PI15: variants seen among roughly 807,000 people sequenced by gnomAD.
The protein encoded by PI15 is 25 kDa trypsin inhibitor.
PI15 carries 18 observed loss-of-function variants against 31.0 expected under a neutral mutation model. That is an observed-to-expected ratio of 0.58 (90% CI 0.40 to 0.86). The LOEUF (loss-of-function observed/expected upper bound fraction) is 0.86. PI15 is among the 40% of genes least tolerant of loss of function. The pLI is 0.00. For missense variants in PI15, 282 were observed against 328.1 expected, an observed-to-expected ratio of 0.86 and a Z score of 1.09; for synonymous variants, 118 against 119.1, an observed-to-expected ratio of 0.99 and a Z score of 0.06.
At position 74,845,394 on chromosome 8, in the gene PI15, A is replaced by G. The variant is rs1156922084; in HGVS notation, c.538A>G (p.Thr180Ala). ...CTHYTQMVWA[T>A]SNRIGCAIHT... The stretch of plus-strand genomic sequence containing the variant: ...TTTATTTTCACAGATGGTTTGGGCC[A>G]CTTCCAATCGGATAGGATGCGCAAT... Residue 180 changes from threonine (T) to alanine (A), a missense_variant, in exon 5 of 6, where the codon ACT becomes GCT. Coordinates refer to ENST00000260113, the MANE Select transcript of PI15 (RefSeq NM_015886.5). 1 of 1,613,612 alleles carries G rather than the reference A, an allele frequency of 6.2e-7. No individual in the cohort carries two copies. The highest frequency in any genetic ancestry group is 8.5e-7 in the Non-Finnish European group (1 of 1,179,620).
chr8:74,845,365 T>C lies in PI15; in HGVS notation c.526-17T>C, dbSNP rs774289201. On this transcript the variant is annotated splice_polypyrimidine_tract_variant and intron_variant, in intron 4 of 5. Transcript: ENST00000260113. Reference sequence around the variant, plus strand: ...TAGCTCTGACTTCTGTAACAGTTTATTGGTTTATTTTCACAGATGGTTTGG... The same window carrying C: ...TAGCTCTGACTTCTGTAACAGTTTACTGGTTTATTTTCACAGATGGTTTGG... 4.4e-6 allele frequency: 7 copies of C among 1,599,286 alleles called. No homozygotes were observed. The highest frequency in any genetic ancestry group is 3.3e-5 in the Admixed American group (2 of 59,996).
intron 2 of PI15, among the ~76,000 whole-genome samples, chr8:74,825,724 G>T (rs543132330): frequency 1.4e-4 from 22 of 152,088 alleles, no homozygotes; most frequent in African/African-American, 4.8e-4. Context: ...GGTCCAGAGA[G>T]ACAGAGACAG....
intron 2 of PI15, among the ~76,000 whole-genome samples, chr8:74,827,351 A>C (rs948911121): frequency 6.6e-6 from 1 of 152,172 alleles, no homozygotes; most frequent in East Asian, 1.9e-4. Flanking sequence ...AGGTAAACAC[A>C]GTATAAGTAG....
chr8:74,845,809 A>G, intron 5 of PI15: 1 of 224,722 alleles, frequency 4.4e-6, no homozygotes, highest in Non-Finnish European at 8.8e-6. Context: ...TTTAATAGCT[A>G]TATAAAATAA....
intron 2 of PI15, among the ~76,000 whole-genome samples, chr8:74,830,083 G>C (rs1810759677): frequency 6.6e-6 from 1 of 152,030 alleles, no homozygotes; most frequent in African/African-American, 2.4e-5. Context: ...CCAGAGAGGT[G>C]GTAACTCCCG....
chr8:74,834,864 A>G, intron 2 of PI15, among the ~76,000 whole-genome samples: 1 of 50,770 alleles, frequency 2.0e-5, no homozygotes, highest in African/African-American at 1.2e-4. Flanking sequence ...CAGTGGGCAC[A>G]TTCTCCTGAT....
At chr8:74,836,337 G>A (rs927462765) in intron 2 of PI15, among the ~76,000 whole-genome samples, 1 of 152,122 alleles carries the variant, frequency 6.6e-6, no homozygotes, top group African/African-American at 2.4e-5. Flanking sequence ...ACGGATACCA[G>A]GAAGACTGAA....
chr8:74,827,354 A>G (rs1285178250), intron 2 of PI15, among the ~76,000 whole-genome samples: 1 of 152,168 alleles, frequency 6.6e-6, no homozygotes, highest in Non-Finnish European at 1.5e-5. Context: ...TAAACACAGT[A>G]TAAGTAGGTT....
intron 5 of PI15, among the ~76,000 whole-genome samples, chr8:74,846,495 C>A (rs1231931027): frequency 6.6e-6 from 1 of 152,042 alleles, no homozygotes; most frequent in Non-Finnish European, 1.5e-5. Context: ...ATAAATAGAC[C>A]AATTAGTACC....
At chr8:74,848,385 TCTC>T (rs1811054406) in intron 5 of PI15, among the ~76,000 whole-genome samples, 1 of 152,116 alleles carries the variant, frequency 6.6e-6, no homozygotes, top group African/African-American at 2.4e-5. Flanking sequence ...CAGAAGCAAA[TCTC>T]CTTTTATTTA....
chr8:74,827,943 G>A (rs1047443279), intron 2 of PI15, among the ~76,000 whole-genome samples: 1 of 152,056 alleles, frequency 6.6e-6, no homozygotes, highest in Non-Finnish European at 1.5e-5. Context: ...GTAAAATAGG[G>A]CTTGTTTCAA....
rs1399291637 is a variant in PI15 at position 74,825,155 on chromosome 8, AC to A, written c.-40-52del. 6.2e-6 allele frequency: 6 copies of A among 968,574 alleles called. No homozygotes were observed. The African/African-American group carries it at 8.2e-5, about 13-fold the overall frequency. The allele number at this position is 968,574 out of a possible 1,614,324, so 60.0% of individuals were successfully genotyped here. ...CCAAATGATGTCTTTGTAAATTCAT[AC>A]CCTCTGGCCCTATTTTTTTTCATAG... is the stretch of plus-strand genomic sequence containing the variant. On this transcript the variant is annotated intron_variant, in intron 1 of 5. Transcript: ENST00000260113.
Position 74,851,122 on chromosome 8 carries a change from T to A in PI15, c.*1869T>A, listed in dbSNP as rs937631184. On this transcript the variant is annotated 3_prime_UTR_variant, in exon 6 of 6. Coordinates refer to ENST00000260113, the MANE Select transcript of PI15 (RefSeq NM_015886.5). ...AATATGGTGACCAAATGCTTTGATATCATACTACTCTGCCTTTGTGGGCAC... is the reference window on the plus strand; with the variant it reads ...AATATGGTGACCAAATGCTTTGATAACATACTACTCTGCCTTTGTGGGCAC... The A allele has an allele frequency of 1.3e-5, 2 of 152,600 alleles. No individual in the cohort carries two copies. The highest frequency in any genetic ancestry group is 4.8e-5 in the African/African-American group (2 of 41,446). The allele number at this position is 152,600 out of a possible 1,614,324, so 9.5% of individuals were successfully genotyped here.
In PI15 at chr8:74,833,572, G is replaced by A. The variant is rs1389579624; in HGVS notation, c.273+8050G>A. Among the ~76,000 whole-genome samples, 4 of 151,962 alleles carry A rather than the reference G, an allele frequency of 2.6e-5. No individual in the cohort carries two copies. In the East Asian group the frequency reaches 5.8e-4, roughly 22 times the overall value. ...TGCACCTCACTGCTTTTCATTTTAG[G>A]TGACTGATTCTACCACCATTCCCAA... On this transcript the variant is annotated intron_variant, in intron 2 of 5. Transcript: ENST00000260113.
chr8:74,830,328 A>T (rs1192649438), intron 2 of PI15, among the ~76,000 whole-genome samples: 2 of 152,162 alleles, frequency 1.3e-5, no homozygotes, highest in Admixed American at 6.6e-5. Flanking sequence ...AAGCCAAAAT[A>T]ACTATATTGA....
chr8:74,844,876 C>T, intron 3 of PI15: 1 of 416,818 alleles, frequency 2.4e-6, no homozygotes, highest in Non-Finnish European at 4.3e-6. Context: ...TTTGCATTTT[C>T]TTCGTGGAAT....
chr8:74,825,504 A>T lies in PI15; in HGVS notation c.255A>T (p.Ala85=). The T allele has an allele frequency of 6.2e-7, 1 of 1,612,282 alleles. No homozygotes were observed. Among genetic ancestry groups the T allele is most frequent in the Non-Finnish European group, 8.5e-7 (1 of 1,178,958 alleles). Reference sequence around the variant, plus strand: ...TTCGGGGCAAAGTGTTCCCACCGGCAGCAAATATGGAATATATGGTAAGAA... The same window carrying T: ...TTCGGGGCAAAGTGTTCCCACCGGCTGCAAATATGGAATATATGGTAAGAA... ...NQVRGKVFPP[A]ANMEYMVWDE... is the part of the protein sequence containing the mutation. Residue 85 remains alanine (A), a synonymous_variant, in exon 2 of 6, where the codon GCA becomes GCT. Coordinates refer to ENST00000260113, the MANE Select transcript of PI15 (RefSeq NM_015886.5).
At chr8:74,832,749 CTA>C (rs1365338334) in intron 2 of PI15, among the ~76,000 whole-genome samples, 1 of 149,410 alleles carries the variant, frequency 6.7e-6, no homozygotes, top group African/African-American at 2.5e-5. Context: ...TTCTTCCAGT[CTA>C]TGTTATCCAT....
At chr8:74,825,594 C>A in intron 2 of PI15, 72 bp downstream of exon 2, 1 of 1,237,822 alleles carries the variant, frequency 8.1e-7, no homozygotes, top group Non-Finnish European at 1.1e-6. Context: ...TGCAGAATCT[C>A]AAACGACCAC....
Sources: gnomAD v4.1 joint callset for allele counts (sites outside exome capture counted in the v4.1 genomes callset) on GRCh38, gnomAD v4.1.1 for gene constraint, MANE v1.5 for transcripts, NCBI Gene and HGNC (gene_info 2026-07-23, HGNC 2026-07-21) for gene names.